The following COBL variants were observed in gnomAD, a reference collection of about 807,000 sequenced individuals.
COBL encodes protein cordon-bleu.
A neutral mutation model predicts 98.8 loss-of-function variants in COBL; 51 were observed. The observed-to-expected ratio is 0.52, with a 90% CI of 0.41 to 0.65. COBL has a LOEUF of 0.65. Ranked by LOEUF, COBL falls within the 30% of genes least tolerant of loss-of-function variation. COBL has a pLI of 0.00. For synonymous variants in COBL, 634 were observed against 651.7 expected (o/e 0.97, Z 0.41); for missense variants, 1,617 against 1,617.5 (o/e 1.00, Z 0.01).
At chr7:51,090,402 C>A (rs1031250997) in intron 6 of COBL, among the ~76,000 whole-genome samples, 1 of 152,228 alleles carries the variant, frequency 6.6e-6, no homozygotes, top group Non-Finnish European at 1.5e-5. Flanking sequence ...CTTCCCCTAA[C>A]CCAGTATCGC....
chr7:51,050,634 A>G (rs1054097259), intron 7 of COBL, among the ~76,000 whole-genome samples: 1 of 152,244 alleles, frequency 6.6e-6, no homozygotes, highest in Non-Finnish European at 1.5e-5. Context: ...TCGGGCTGGA[A>G]TAAATGGATT....
At chr7:51,083,832 C>T (rs891653247) in intron 7 of COBL, among the ~76,000 whole-genome samples, 1 of 152,158 alleles carries the variant, frequency 6.6e-6, no homozygotes, top group African/African-American at 2.4e-5. Flanking sequence ...AGGACTCAGG[C>T]CTCCAGGGCG....
intron 5 of COBL, among the ~76,000 whole-genome samples, chr7:51,161,499 CT>C (rs1786801669): frequency 6.6e-6 from 1 of 152,174 alleles, no homozygotes; most frequent in African/African-American, 2.4e-5. Context: ...TTTTTTAGGG[CT>C]TTTGCTATGG....
rs764857207 is a variant in COBL at position 51,030,940 on chromosome 7, A to G, written c.1407-31T>C. ...GAAGACCAAAGAGAAAGGAGCACTC[A>G]TTTCTCTTACTATTGATTTAATGTA... On this transcript the variant is annotated intron_variant, in intron 8 of 12. Coordinates refer to ENST00000265136, the MANE Select transcript of COBL (RefSeq NM_015198.5). 3 of 1,351,922 alleles carry G rather than the reference A, an allele frequency of 2.2e-6. No homozygotes were observed. The Admixed American group carries it at 5.0e-5, about 23-fold the overall frequency. 83.7% of individuals were successfully genotyped at this position (1,351,922 alleles called of 1,614,324 possible).
In COBL at chr7:51,017,190, G is replaced by A. The variant is rs1253525693; in HGVS notation, c.*361C>T. 2.0e-6 allele frequency: 1 copy of A among 488,350 alleles called. No individual in the cohort carries two copies. The highest frequency in any genetic ancestry group is 2.0e-5 in the African/African-American group (1 of 51,232). The allele number at this position is 488,350 out of a possible 1,614,324, so 30.3% of individuals were successfully genotyped here. A position where few individuals can be genotyped will look rare whatever the true frequency, so the allele number is the denominator to read the frequency against. On this transcript the variant is annotated 3_prime_UTR_variant, in exon 13 of 13. Coordinates refer to ENST00000265136, the MANE Select transcript of COBL (RefSeq NM_015198.5). Reference sequence around the variant, plus strand: ...ATCTGTATGTGGTAAAAGTCTCAAAGGTCCAAAATCAGTCTAAGGCATGAT... The same window carrying A: ...ATCTGTATGTGGTAAAAGTCTCAAAAGTCCAAAATCAGTCTAAGGCATGAT...
At chr7:51,289,149 AAC>A (rs1170388156) in intron 1 of COBL, among the ~76,000 whole-genome samples, 1 of 152,174 alleles carries the variant, frequency 6.6e-6, no homozygotes, top group African/African-American at 2.4e-5. Flanking sequence ...ATTGTTTCAT[AAC>A]AGTTTCCTTT....
chr7:51,086,745 C>G (rs1794295441), intron 6 of COBL, among the ~76,000 whole-genome samples: 2 of 152,094 alleles, frequency 1.3e-5, no homozygotes, highest in South Asian at 4.2e-4. Context: ...AACATAATCA[C>G]TTTATTAATA....
At chr7:51,184,605 A>G (rs1260912268) in intron 4 of COBL, among the ~76,000 whole-genome samples, 1 of 152,252 alleles carries the variant, frequency 6.6e-6, no homozygotes, top group Non-Finnish European at 1.5e-5. Flanking sequence ...AATCCAATAC[A>G]TCTAAAATAT....
intron 6 of COBL, among the ~76,000 whole-genome samples, chr7:51,129,136 T>C (rs1261362175): frequency 6.6e-6 from 1 of 152,172 alleles, no homozygotes; most frequent in Non-Finnish European, 1.5e-5. Context: ...TGAGAAACTG[T>C]GTTAGTCCCT....
chr7:51,067,015 G>C (rs929573685), intron 7 of COBL, among the ~76,000 whole-genome samples: 2 of 152,210 alleles, frequency 1.3e-5, no homozygotes, highest in Admixed American at 1.3e-4. Flanking sequence ...CCAAACAAGA[G>C]GCCTGACAAT....
chr7:51,187,682 A>G (rs546950353), intron 4 of COBL, among the ~76,000 whole-genome samples: 1 of 152,326 alleles, frequency 6.6e-6, no homozygotes, highest in African/African-American at 2.4e-5. Context: ...CTCATCAATT[A>G]GAGCCACACA....
chr7:51,062,267 GTCTCTC>G (rs146409423), intron 7 of COBL, among the ~76,000 whole-genome samples: 28 of 149,154 alleles, frequency 1.9e-4, no homozygotes, highest in Middle Eastern at 3.5e-3. Flanking sequence ...AACAGTTCAT[GTCTCTC>G]TCTCTCTCTC....
chr7:51,219,798 A>G lies in COBL; in HGVS notation c.188T>C (p.Met63Thr), dbSNP rs528654006. ...RMKEALRAST[M>T]DVTVVLPSGL... The stretch of plus-strand genomic sequence containing the variant: ...ACTAGGCAGGACCACGGTGACGTCC[A>G]TGGTGCTGGCCCTCAGCGCCTCCTT... Residue 63 changes from methionine to threonine, a missense_variant, in exon 2 of 13, where the codon ATG (methionine) becomes ACG (threonine). By Grantham distance (81) the Met-to-Thr change is moderately conservative. This residue lies in a region of COBL where 238 missense variants were observed against 215.0 expected (regional missense o/e 1.11). Transcript: ENST00000265136. The G allele has an allele frequency of 7.4e-6, 12 of 1,614,138 alleles. No homozygotes were observed. Among genetic ancestry groups the G allele is most frequent in the Non-Finnish European group, 1.0e-5 (12 of 1,180,042 alleles).
At chr7:51,197,095 T>C (rs1049413867) in intron 2 of COBL, among the ~76,000 whole-genome samples, 5 of 152,198 alleles carry the variant, frequency 3.3e-5, no homozygotes, top group African/African-American at 1.2e-4. Context: ...CTTAGTTATC[T>C]AGCTCTTTCA....
intron 6 of COBL, among the ~76,000 whole-genome samples, chr7:51,114,254 C>A (rs1797086457): frequency 6.6e-6 from 1 of 151,984 alleles, no homozygotes; most frequent in East Asian, 1.9e-4. Flanking sequence ...ACTTTTTTCT[C>A]AGCTCCACCC....
At chr7:51,194,494 T>C (rs1000821367) in intron 2 of COBL, among the ~76,000 whole-genome samples, 14 of 152,206 alleles carry the variant, frequency 9.2e-5, no homozygotes, top group African/African-American at 3.1e-4. Context: ...GATTGCTGGG[T>C]TGAATGGTAG....
At chr7:51,257,109 A>G (rs921624254) in intron 1 of COBL, among the ~76,000 whole-genome samples, 1 of 152,194 alleles carries the variant, frequency 6.6e-6, no homozygotes, top group East Asian at 1.9e-4. Context: ...CATGGCAAAG[A>G]TGAGATGCAA....
intron 12 of COBL, among the ~76,000 whole-genome samples, chr7:51,018,858 T>A (rs1786566036): frequency 8.5e-6 from 1 of 118,286 alleles, no homozygotes; most frequent in Non-Finnish European, 1.7e-5. Context: ...ACCATTGCAC[T>A]CCAGCCTGGG....
intron 1 of COBL, among the ~76,000 whole-genome samples, chr7:51,253,552 T>A (rs1036708196): frequency 2.0e-5 from 3 of 152,248 alleles, no homozygotes; most frequent in Non-Finnish European, 1.5e-5. Context: ...ATTTATTTTG[T>A]ATTTCTAATT....
Sources: gnomAD v4.1 joint callset for allele counts (sites outside exome capture counted in the v4.1 genomes callset) on GRCh38, gnomAD v4.1.1 for gene constraint, gnomAD v4.1.1 regional missense constraint, MANE v1.5 for transcripts, NCBI Gene and HGNC (gene_info 2026-07-23, HGNC 2026-07-21) for gene names.